Variants in HADHA observed in about 807,000 individuals in gnomAD.
HADHA encodes the protein trifunctional enzyme subunit alpha, mitochondrial.
Under a neutral mutation model 91.3 loss-of-function variants are expected in HADHA, and 59 were observed. That is an observed-to-expected ratio of 0.65 (90% CI 0.52 to 0.80). The LOEUF is 0.80. Ranked by LOEUF, HADHA falls within the 30% of genes least tolerant of loss-of-function variation. HADHA has a pLI of 0.00. For synonymous variants in HADHA, 320 were observed against 338.9 expected, an observed-to-expected ratio of 0.94 and a Z score of 0.61; for missense variants, 800 against 927.6, an observed-to-expected ratio of 0.86 and a Z score of 1.79.
At chr2:26,216,618 G>A (rs944827629) in intron 7 of HADHA, among the ~76,000 whole-genome samples, 5 of 152,128 alleles carry the variant, frequency 3.3e-5, no homozygotes, top group African/African-American at 1.2e-4. Context: ...ACCGAGCCTG[G>A]ACCATTTGGC....
intron 18 of HADHA, 35 bp downstream of exon 18, chr2:26,192,275 C>A (rs751176614): frequency 3.6e-6 from 4 of 1,103,500 alleles, no homozygotes; most frequent in Non-Finnish European, 5.6e-6. Context: ...CAGAGAAAGT[C>A]AATTTCCAGG....
At chr2:26,202,272 A>G (rs1005026348) in intron 12 of HADHA, among the ~76,000 whole-genome samples, 16 of 152,160 alleles carry the variant, frequency 1.1e-4, no homozygotes, top group African/African-American at 3.6e-4. Context: ...CATTCAACTG[A>G]TTATTTTTCG....
rs1280023758 is a variant in HADHA, at chr2:26,221,502, A to G, written c.677-6327T>C. Among the ~76,000 whole-genome samples, 3 of 152,198 alleles carry G rather than the reference A, an allele frequency of 2.0e-5. No individual in the cohort carries two copies. The highest frequency in any genetic ancestry group is 4.4e-5 in the Non-Finnish European group (3 of 68,036). On this transcript the variant is annotated intron_variant, in intron 7 of 19. Transcript: ENST00000380649. The surrounding 1 kb of genome is among the most constrained non-coding windows in gnomAD (Gnocchi z 4.8). The stretch of plus-strand genomic sequence containing the variant: ...GAAACAGATGTTGTCTAACCTACTA[A>G]GCCATAAAGTGGGGTGTACACGGTA...
At chr2:26,236,338 G>GAT (rs1266011303) in intron 4 of HADHA, among the ~76,000 whole-genome samples, 15 of 100,550 alleles carry the variant, frequency 1.5e-4, no homozygotes, top group Middle Eastern at 7.6e-3. Flanking sequence ...TAGATCACAT[G>GAT]ATGTGTGTGT....
At chr2:26,195,282 C>G (rs768369286) in intron 14 of HADHA, 50 bp from the exon 15 acceptor site, 4 of 1,517,542 alleles carry the variant, frequency 2.6e-6, no homozygotes, top group Non-Finnish European at 3.7e-6. Context: ...GGGTGAGGAA[C>G]CTGAGAGCAT....
rs5830004 is a variant in HADHA, at chr2:26,229,348, G to GCA, written c.676+842_676+843dup. ...GTGAGACCCCAACATGTGTGCGCGC[G>GCA]CACACACACACACACACACACACAC... is the stretch of plus-strand genomic sequence containing the variant. On this transcript the variant is annotated intron_variant, in intron 7 of 19. Coordinates refer to ENST00000380649, the MANE Select transcript of HADHA (RefSeq NM_000182.5). The surrounding 1 kb of genome is among the most constrained non-coding windows in gnomAD (Gnocchi z 4.3). Among the ~76,000 whole-genome samples the GCA allele has an allele frequency of 0.05, 7,405 of 147,544 alleles. 227 individuals are homozygous for GCA. Among genetic ancestry groups the GCA allele is most frequent in the Non-Finnish European group, 0.059 (3,950 of 67,060 alleles).
intron 1 of HADHA, among the ~76,000 whole-genome samples, chr2:26,243,422 C>T (rs981697815): frequency 1.3e-5 from 2 of 151,674 alleles, no homozygotes; most frequent in Admixed American, 1.3e-4. Flanking sequence ...TCATCTCTTT[C>T]CTCAATCCTT....
chr2:26,193,824 C>A, intron 16 of HADHA, 52 bp from the exon 17 acceptor site: 1 of 1,409,032 alleles, frequency 7.1e-7, no homozygotes, highest in South Asian at 1.2e-5. Flanking sequence ...CCAAATCCCC[C>A]CAAAGGGCTC....
intron 12 of HADHA, among the ~76,000 whole-genome samples, chr2:26,202,592 T>A (rs1286305798): frequency 2.0e-5 from 3 of 151,988 alleles, no homozygotes; most frequent in Admixed American, 6.6e-5. Flanking sequence ...AAAACAAAAA[T>A]CAGCTGTGCA....
At chr2:26,208,190 T>C (rs1280273737) in intron 11 of HADHA, among the ~76,000 whole-genome samples, 2 of 152,210 alleles carry the variant, frequency 1.3e-5, no homozygotes, top group Non-Finnish European at 2.9e-5. Context: ...TAAGAATATT[T>C]AAATCAAGTT....
chr2:26,200,697 G>A (rs954510548), intron 13 of HADHA, among the ~76,000 whole-genome samples: 2 of 151,992 alleles, frequency 1.3e-5, no homozygotes, highest in East Asian at 1.9e-4. Flanking sequence ...CAGTGTGCAT[G>A]AGCACACATA....
chr2:26,215,310 G>A (rs1670189630), intron 7 of HADHA, 135 bp from the exon 8 acceptor site: 4 of 786,182 alleles, frequency 5.1e-6, no homozygotes, highest in Non-Finnish European at 6.8e-6. Context: ...AGGTGGCAAA[G>A]TCATAAACCA....
Position 26,201,207 on chromosome 2 carries a change from A to G in HADHA, c.1334T>C (p.Ile445Thr), listed in dbSNP as rs1275058440. The change falls in exon 13 of 20, where the codon ATT becomes ACT. Residue 445 changes from isoleucine to threonine, a missense_variant. Transcript: ENST00000380649. ...ACTAAGGTCCTCAAACACAGCTTCA[A>G]TCACCATGTCGGCCTTTTCAAAACC... Reference protein sequence around the residue: ...YQGFEKADMVIEAVFEDLSLK... With the variant: ...YQGFEKADMVTEAVFEDLSLK... 4 of 1,613,786 alleles carry G rather than the reference A, an allele frequency of 2.5e-6. No individual in the cohort carries two copies. Among genetic ancestry groups the G allele is most frequent in the Non-Finnish European group, 2.5e-6 (3 of 1,179,770 alleles).
In HADHA at chr2:26,191,322, A is replaced by T. The variant is rs142120825; in HGVS notation, c.2220T>A (p.Tyr740Ter). The T allele has an allele frequency of 1.2e-6, 2 of 1,613,900 alleles. No homozygotes were observed. Among genetic ancestry groups the T allele is most frequent in the African/African-American group, 2.7e-5 (2 of 74,908 alleles). ...GCTGGCATGGGGTGAACTGTTTTCCATAGGCAGCTTCATATTTCTTGAGCC... is the reference window on the plus strand; with the variant it reads ...GCTGGCATGGGGTGAACTGTTTTCCTTAGGCAGCTTCATATTTCTTGAGCC... ...VDRLKKYEAA[Y>*]GKQFTPCQLL... Residue 740 changes from tyrosine to a stop codon, truncating the protein, a stop_gained, in exon 20 of 20, where the codon TAT becomes TAA. Transcript: ENST00000380649. LOFTEE classifies it high-confidence loss of function.
chr2:26,243,434 C>T (rs1670965647), intron 1 of HADHA, among the ~76,000 whole-genome samples: 1 of 151,582 alleles, frequency 6.6e-6, no homozygotes, highest in Non-Finnish European at 1.5e-5. Flanking sequence ...TCAATCCTTA[C>T]AGCATTTCAA....
intron 1 of HADHA, among the ~76,000 whole-genome samples, chr2:26,242,594 A>G (rs1670925323): frequency 6.6e-6 from 1 of 152,236 alleles, no homozygotes; most frequent in Admixed American, 6.5e-5. Context: ...TTACTCCATG[A>G]AAAACTGCTT....
Position 26,229,629 on chromosome 2 carries a change from G to C in HADHA, c.676+563C>G, listed in dbSNP as rs143896214. ...AAGGTTATGCATGGATAATGATACA[G>C]GTAATTTAAGAACCAAAAATAATGA... On this transcript the variant is annotated intron_variant, in intron 7 of 19. Transcript: ENST00000380649. This position sits in a 1 kb window ranked among gnomAD's most constrained non-coding sequence, Gnocchi z 4.3. 1.1e-3 allele frequency among the ~76,000 whole-genome samples: 171 copies of C among 152,176 alleles called. No homozygotes were observed. The highest frequency in any genetic ancestry group is 2.2e-3 in the Non-Finnish European group (151 of 68,008).
chr2:26,209,778 A>T lies in HADHA; in HGVS notation c.1085+2T>A. 6.9e-7 allele frequency: 1 copy of T among 1,439,286 alleles called. No homozygotes were observed. Among genetic ancestry groups the T allele is most frequent in the Non-Finnish European group, 9.8e-7 (1 of 1,020,570 alleles). The allele number at this position is 1,439,286 out of a possible 1,614,324, so 89.2% of individuals were successfully genotyped here. ...GGGCTTCCTACGTAGAGTTTAACTT[A>T]CTTAACATCCTTCTGTGGAGCTCCA... is the stretch of plus-strand genomic sequence containing the variant. On this transcript the variant is annotated splice_donor_variant, in intron 11 of 19. Coordinates refer to ENST00000380649, the MANE Select transcript of HADHA (RefSeq NM_000182.5). LOFTEE classifies it high-confidence loss of function.
intron 7 of HADHA, among the ~76,000 whole-genome samples, chr2:26,222,620 G>C (rs1456851955): frequency 6.6e-6 from 1 of 152,110 alleles, no homozygotes; most frequent in Non-Finnish European, 1.5e-5. Context: ...CATGGGCTTA[G>C]GCAATATGGA....
Sources: gnomAD v4.1 joint callset for allele counts (sites outside exome capture counted in the v4.1 genomes callset) on GRCh38, gnomAD v4.1.1 for gene constraint, Gnocchi (gnomAD v3.1) non-coding constraint, MANE v1.5 for transcripts, NCBI Gene and HGNC (gene_info 2026-07-23, HGNC 2026-07-21) for gene names.